RPH3A: variants seen among roughly 807,000 people sequenced by gnomAD.
RPH3A encodes rabphilin-3A.
Under a neutral mutation model 102.2 loss-of-function variants are expected in RPH3A, and 48 were observed. The observed-to-expected ratio is 0.47, with a 90% confidence interval of 0.37 to 0.60. The LOEUF is 0.60. Ranked by LOEUF, RPH3A falls within the 20% of genes least tolerant of loss-of-function variation. The pLI is 0.00. For missense variants in RPH3A, 781 were observed against 910.1 expected (o/e 0.86, Z 1.83); for synonymous variants, 310 against 324.3 (o/e 0.96, Z 0.47).
At chr12:112,597,362 C>T (rs2039524847) in intron 1 of RPH3A, among the ~76,000 whole-genome samples, 1 of 152,122 alleles carries the variant, frequency 6.6e-6, no homozygotes, top group African/African-American at 2.4e-5. Context: ...GCAGGCAGCT[C>T]ACTTGAGCCC....
intron 1 of RPH3A, among the ~76,000 whole-genome samples, chr12:112,726,743 C>T (rs1366950074): frequency 1.3e-5 from 2 of 152,166 alleles, no homozygotes; most frequent in Non-Finnish European, 2.9e-5. Context: ...ATTTTTCTGG[C>T]TGGGTGCAGT....
At chr12:112,712,060 G>T (rs1172676265) in intron 1 of RPH3A, among the ~76,000 whole-genome samples, 4 of 152,070 alleles carry the variant, frequency 2.6e-5, no homozygotes, top group African/African-American at 9.7e-5. Context: ...TCAAACTCCT[G>T]ACCTCAGGTG....
chr12:112,894,132 A>C lies in RPH3A; in HGVS notation c.1776-446A>C, dbSNP rs987074731. 53 of 190,142 alleles carry C rather than the reference A, an allele frequency of 2.8e-4. 1 individual carries two copies. The highest frequency in any genetic ancestry group is 8.6e-4 in the Admixed American group (14 of 16,212). The allele number at this position is 190,142 out of a possible 1,614,324, so 11.8% of individuals were successfully genotyped here. A position where few individuals can be genotyped will look rare whatever the true frequency, so the allele number is the denominator to read the frequency against. ...TGCATCTTCCCCTTTCTGTGCATAC[A>C]CCCAGCCTCTCTCTAGGGATTGGGG... On this transcript the variant is annotated intron_variant, in intron 19 of 21. Transcript: ENST00000389385.
At chr12:112,797,253 G>C (rs1230701764) in intron 2 of RPH3A, among the ~76,000 whole-genome samples, 5 of 152,148 alleles carry the variant, frequency 3.3e-5, no homozygotes, top group African/African-American at 1.2e-4. Flanking sequence ...TTTGGAGCGA[G>C]TTAATGCATC....
rs763225966 is a variant in RPH3A at position 112,896,703 on chromosome 12, G to A, written c.2008G>A (p.Glu670Lys). Residue 670 changes from glutamate (E) to lysine (K), a missense_variant, in exon 22 of 22, where the codon GAG becomes AAG. Physicochemically the swap from Glu to Lys is moderately conservative, Grantham distance 56 (BLOSUM62 1). Transcript: ENST00000389385. ...GGGAGAGCGCTTAAAACACTGGTAC[G>A]AGTGTCTGAAAAATAAAGACAAGAA... ...AKGERLKHWYECLKNKDKKIE... is the reference protein window; with the variant it reads ...AKGERLKHWYKCLKNKDKKIE... 7 of 1,613,980 alleles carry A rather than the reference G, an allele frequency of 4.3e-6. No homozygotes were observed. Among genetic ancestry groups the A allele is most frequent in the South Asian group, 1.1e-5 (1 of 91,086 alleles).
At chr12:112,837,410 T>C (rs1277878129) in intron 4 of RPH3A, among the ~76,000 whole-genome samples, 2 of 152,136 alleles carry the variant, frequency 1.3e-5, no homozygotes, top group East Asian at 3.8e-4. Context: ...TATATAGGAC[T>C]CTTGCACAAC....
At chr12:112,894,710 G>A in intron 20 of RPH3A, 51 bp downstream of exon 20, 1 of 1,535,142 alleles carries the variant, frequency 6.5e-7, no homozygotes, top group Non-Finnish European at 8.9e-7. Context: ...CTGTGTGTTA[G>A]AGAGGCACAA....
intron 2 of RPH3A, among the ~76,000 whole-genome samples, chr12:112,822,858 T>C (rs2041804762): frequency 6.6e-6 from 1 of 152,174 alleles, no homozygotes; most frequent in Non-Finnish European, 1.5e-5. Flanking sequence ...AGTAAGCCCT[T>C]GATATTTGAA....
intron 1 of RPH3A, among the ~76,000 whole-genome samples, chr12:112,597,341 G>A (rs1050107773): frequency 6.6e-6 from 1 of 152,156 alleles, no homozygotes; most frequent in Admixed American, 6.5e-5. Flanking sequence ...CCAGCATTTT[G>A]GGGGGCTGAG....
chr12:112,766,762 A>G (rs1325647646), intron 1 of RPH3A, among the ~76,000 whole-genome samples: 1 of 152,158 alleles, frequency 6.6e-6, no homozygotes, highest in African/African-American at 2.4e-5. Context: ...ACGATGATAA[A>G]GGGATCCAAG....
intron 5 of RPH3A, among the ~76,000 whole-genome samples, chr12:112,862,818 GGT>G (rs2042542689): frequency 6.6e-6 from 1 of 152,238 alleles, no homozygotes; most frequent in Non-Finnish European, 1.5e-5. Context: ...GCACTCTGAG[GGT>G]GTGGCAGGAG....
chr12:112,861,452 G>T (rs1182171313), intron 5 of RPH3A, among the ~76,000 whole-genome samples: 2 of 152,154 alleles, frequency 1.3e-5, no homozygotes, highest in African/African-American at 4.8e-5. Context: ...TGAGGGAAAG[G>T]CAGGGAAATC....
intron 1 of RPH3A, among the ~76,000 whole-genome samples, chr12:112,775,308 T>A (rs536707163): frequency 9.1e-4 from 139 of 152,162 alleles, no homozygotes; most frequent in African/African-American, 3.3e-3. Context: ...ATAACATATG[T>A]TTAAGTGTAA....
chr12:112,774,063 C>CT (rs1555207785), intron 1 of RPH3A, among the ~76,000 whole-genome samples: 1 of 108,464 alleles, frequency 9.2e-6, no homozygotes, highest in African/African-American at 4.0e-5. Context: ...CCAGCCTGGG[C>CT]AAAAAAAAAA....
At chr12:112,640,538 G>C (rs1340299768) in intron 1 of RPH3A, among the ~76,000 whole-genome samples, 1 of 151,222 alleles carries the variant, frequency 6.6e-6, no homozygotes, top group Non-Finnish European at 1.5e-5. Flanking sequence ...TTCTTCTCAG[G>C]ATAGTTACCC....
chr12:112,848,132 G>T (rs532128233), intron 5 of RPH3A, among the ~76,000 whole-genome samples: 1 of 152,256 alleles, frequency 6.6e-6, no homozygotes, highest in Non-Finnish European at 1.5e-5. Context: ...GCAGGGGGAG[G>T]GGTCTTGTGA....
chr12:112,774,335 T>A (rs1686551066), intron 1 of RPH3A, among the ~76,000 whole-genome samples: 1 of 152,204 alleles, frequency 6.6e-6, no homozygotes, highest in Non-Finnish European at 1.5e-5. Context: ...CACTGACACA[T>A]AATGTATTAT....
chr12:112,877,971 A>G (rs571093762), intron 13 of RPH3A, among the ~76,000 whole-genome samples: 70 of 152,174 alleles, frequency 4.6e-4, no homozygotes, highest in Non-Finnish European at 8.4e-4. Context: ...AGATTGAGAG[A>G]TGAGGCTCCA....
chr12:112,750,013 G>A (rs2040775812), intron 1 of RPH3A, among the ~76,000 whole-genome samples: 1 of 152,138 alleles, frequency 6.6e-6, no homozygotes, highest in Admixed American at 6.5e-5. Flanking sequence ...AGTTGTGCAT[G>A]CAAAGTGGTT....
Sources: gnomAD v4.1 joint callset for allele counts (sites outside exome capture counted in the v4.1 genomes callset) on GRCh38, gnomAD v4.1.1 for gene constraint, MANE v1.5 for transcripts, NCBI Gene and HGNC (gene_info 2026-07-23, HGNC 2026-07-21) for gene names.